TRHDE: variants seen among roughly 807,000 people sequenced by gnomAD.
TRHDE encodes the protein thyrotropin releasing hormone degrading enzyme.
A neutral mutation model predicts 125.7 loss-of-function variants in TRHDE; 72 were observed. The observed-to-expected ratio is 0.57, with a 90% CI of 0.47 to 0.70. TRHDE has a LOEUF of 0.70. Ranked by LOEUF, TRHDE falls within the 30% of genes least tolerant of loss-of-function variation. The pLI, the probability that TRHDE is intolerant of heterozygous loss-of-function variation, is 0.00. For synonymous variants in TRHDE, 509 were observed against 509.1 expected (o/e 1.00, Z 0.00); for missense variants, 1,110 against 1,327.1 (o/e 0.84, Z 2.54).
chr12:72,429,172 C>T (rs1466812738), intron 3 of TRHDE, among the ~76,000 whole-genome samples: 5 of 151,826 alleles, frequency 3.3e-5, no homozygotes, highest in Non-Finnish European at 5.9e-5. Context: ...GGGAGGGGAA[C>T]ATCATACACC....
At chr12:72,352,722 G>C (rs577846647) in intron 2 of TRHDE, among the ~76,000 whole-genome samples, 1 of 151,480 alleles carries the variant, frequency 6.6e-6, no homozygotes, top group Non-Finnish European at 1.5e-5. Context: ...AATGTTTATC[G>C]ATGCTCTATT....
chr12:72,518,347 T>C (rs1216304252), intron 6 of TRHDE, among the ~76,000 whole-genome samples: 2 of 148,786 alleles, frequency 1.3e-5, no homozygotes, highest in African/African-American at 2.6e-5. Flanking sequence ...GGTGCATATA[T>C]ATTTAGGATA....
intron 6 of TRHDE, among the ~76,000 whole-genome samples, chr12:72,536,085 G>C (rs1207714790): frequency 6.6e-6 from 1 of 152,108 alleles, no homozygotes; most frequent in Non-Finnish European, 1.5e-5. Flanking sequence ...CTGGAGGAGA[G>C]CAAACCATTA....
At chr12:72,289,121 C>T (rs1879996912) in intron 2 of TRHDE, among the ~76,000 whole-genome samples, 1 of 152,074 alleles carries the variant, frequency 6.6e-6, no homozygotes, top group South Asian at 2.1e-4. Flanking sequence ...CAACACTTAA[C>T]AGCTGGAAGG....
intron 5 of TRHDE, among the ~76,000 whole-genome samples, chr12:72,485,673 C>A (rs1399376497): frequency 6.6e-6 from 1 of 152,204 alleles, no homozygotes. Context: ...TCACAGCTAA[C>A]TCGGAGTCCT....
At chr12:72,374,019 A>C (rs968890426) in intron 2 of TRHDE, among the ~76,000 whole-genome samples, 1 of 152,162 alleles carries the variant, frequency 6.6e-6, no homozygotes, top group Non-Finnish European at 1.5e-5. Context: ...TGAAGGAGCA[A>C]GGGACGAGGC....
chr12:72,511,751 T>C (rs1309897025), intron 6 of TRHDE, among the ~76,000 whole-genome samples: 1 of 152,164 alleles, frequency 6.6e-6, no homozygotes, highest in Non-Finnish European at 1.5e-5. Flanking sequence ...TTTTATTTTT[T>C]CCTGTGCGAA....
rs144912434 is a variant in TRHDE, at chr12:72,629,212, T to C, written c.2675+7461T>C. Among the ~76,000 whole-genome samples, 444 of 152,022 alleles carry C rather than the reference T, an allele frequency of 2.9e-3. 1 individual carries two copies. Among genetic ancestry groups the C allele is most frequent in the African/African-American group, 1.0e-2 (415 of 41,542 alleles). ...ACTTGTATTCCTTTTCCTAACACTTTGGTCTTTTTCATGACATTTTACTTT... is the reference window on the plus strand; with the variant it reads ...ACTTGTATTCCTTTTCCTAACACTTCGGTCTTTTTCATGACATTTTACTTT... On this transcript the variant is annotated intron_variant, in intron 15 of 18. Transcript: ENST00000261180.
intron 4 of TRHDE, 55 bp downstream of exon 4, chr12:72,469,967 T>A: frequency 6.4e-7 from 1 of 1,558,938 alleles, no homozygotes; most frequent in South Asian, 1.1e-5. Flanking sequence ...GAAAATGATT[T>A]TGAATACCTA....
intron 15 of TRHDE, among the ~76,000 whole-genome samples, chr12:72,634,872 G>A (rs11179294): frequency 0.15 from 23,100 of 151,648 alleles, 2,397 homozygotes; most frequent in East Asian, 0.54. Flanking sequence ...TGGTGTATAT[G>A]TGCCACATTT....
In TRHDE at chr12:72,451,217, C is replaced by T. The variant is rs571055219; in HGVS notation, c.1316-18541C>T. 2.0e-5 allele frequency among the ~76,000 whole-genome samples: 3 copies of T among 152,160 alleles called. No homozygotes were observed. In the East Asian group the frequency reaches 5.8e-4, roughly 29 times the overall value. On this transcript the variant is annotated intron_variant, in intron 3 of 18. Transcript: ENST00000261180. ...TATTGCCCAAAGCAGTACCATTGAG[C>T]TTTTCTCCTCTGTTTTCTTCTAGTG...
At chr12:72,092,624 C>T (rs1874818356) in intron 1 of TRHDE, among the ~76,000 whole-genome samples, 1 of 152,118 alleles carries the variant, frequency 6.6e-6, no homozygotes, top group African/African-American at 2.4e-5. Flanking sequence ...CAGAAAAGTC[C>T]CAAGACTTAG....
intron 7 of TRHDE, among the ~76,000 whole-genome samples, chr12:72,548,446 A>AC (rs1337929442): frequency 2.6e-5 from 4 of 151,812 alleles, no homozygotes; most frequent in Non-Finnish European, 2.9e-5. Context: ...AACAATGCTT[A>AC]TAGTTAAAAT....
intron 15 of TRHDE, among the ~76,000 whole-genome samples, chr12:72,633,851 A>G (rs1422556814): frequency 5.9e-5 from 9 of 152,138 alleles, no homozygotes; most frequent in African/African-American, 2.2e-4. Flanking sequence ...ATGTTTTTCA[A>G]TAAATTACTC....
chr12:72,544,188 T>C (rs1176405289), intron 7 of TRHDE, among the ~76,000 whole-genome samples: 2 of 151,590 alleles, frequency 1.3e-5, no homozygotes, highest in East Asian at 3.9e-4. Context: ...CAGTTTGGAT[T>C]AGTTTACAGT....
chr12:72,374,790 C>G (rs987101585), intron 2 of TRHDE, among the ~76,000 whole-genome samples: 1 of 152,020 alleles, frequency 6.6e-6, no homozygotes, highest in African/African-American at 2.4e-5. Context: ...AACAGTTCTA[C>G]TAGAGTAGTT....
intron 3 of TRHDE, among the ~76,000 whole-genome samples, chr12:72,384,797 T>A (rs1298769257): frequency 6.6e-6 from 1 of 152,070 alleles, no homozygotes; most frequent in Non-Finnish European, 1.5e-5. Flanking sequence ...TATTTTTTAT[T>A]GTGGTGATGA....
intron 2 of TRHDE, among the ~76,000 whole-genome samples, chr12:72,355,101 A>G (rs1296239514): frequency 6.6e-6 from 1 of 151,506 alleles, no homozygotes; most frequent in Non-Finnish European, 1.5e-5. Context: ...CCTGGGGAGA[A>G]TAATCTTATT....
intron 12 of TRHDE, among the ~76,000 whole-genome samples, chr12:72,579,902 AT>A (rs528809129): frequency 3.9e-5 from 6 of 151,908 alleles, no homozygotes; most frequent in Admixed American, 2.0e-4. Flanking sequence ...TATTTTAGAG[AT>A]TTTTTTTATT....
Sources: gnomAD v4.1 joint callset for allele counts (sites outside exome capture counted in the v4.1 genomes callset) on GRCh38, gnomAD v4.1.1 for gene constraint, MANE v1.5 for transcripts, NCBI Gene and HGNC (gene_info 2026-07-23, HGNC 2026-07-21) for gene names.